Variants in TGFB2 observed in about 807,000 individuals in gnomAD.
The protein encoded by TGFB2 is transforming growth factor beta-2 proprotein.
A neutral mutation model predicts 42.7 loss-of-function variants in TGFB2; 13 were observed. That is an observed-to-expected ratio of 0.30 (90% CI 0.20 to 0.48). The LOEUF is 0.48. Among genes scored for constraint, TGFB2 ranks in the 20% least tolerant of loss-of-function variants. TGFB2 has a pLI of 0.99. For synonymous variants in TGFB2, 193 were observed against 193.6 expected (o/e 1.00, Z 0.03); for missense variants, 390 against 517.5 (o/e 0.75, Z 2.39).
At chr1:218,396,870 T>A (rs1454851511) in intron 1 of TGFB2, among the ~76,000 whole-genome samples, 2 of 152,238 alleles carry the variant, frequency 1.3e-5, no homozygotes, top group Non-Finnish European at 1.5e-5. Flanking sequence ...AGACTACTAC[T>A]GCAAATCATA....
chr1:218,395,684 T>A (rs1034602207), intron 1 of TGFB2, among the ~76,000 whole-genome samples: 3 of 151,294 alleles, frequency 2.0e-5, no homozygotes, highest in Non-Finnish European at 4.4e-5. Flanking sequence ...CAATCTCGGC[T>A]CACTGCAAGC....
chr1:218,346,053 C>T lies in TGFB2; in HGVS notation c.-649C>T, dbSNP rs1571819562. Among the ~76,000 whole-genome samples the T allele has an allele frequency of 6.8e-6, 1 of 147,966 alleles. No homozygotes were observed. The highest frequency in any genetic ancestry group is 2.6e-5 in the African/African-American group (1 of 38,208). On this transcript the variant is annotated 5_prime_UTR_variant, in exon 1 of 7. Transcript: ENST00000366930. The surrounding 1 kb of genome is among the most constrained non-coding windows in gnomAD (Gnocchi z 4.9). The stretch of plus-strand genomic sequence containing the variant: ...GCTGGGCTCGCCCCCAGCGCGCGCA[C>T]ACGCACACACACACACACACACACA...
At chr1:218,410,865 G>A (rs1284928572) in intron 2 of TGFB2, among the ~76,000 whole-genome samples, 1 of 152,216 alleles carries the variant, frequency 6.6e-6, no homozygotes, top group Non-Finnish European at 1.5e-5. Context: ...GTATGAGGTA[G>A]AGGGAAAGAA....
rs574229434 is a variant in TGFB2, at chr1:218,443,149, A to C, written c.*1787A>C. The C allele has an allele frequency of 1.3e-5, 2 of 152,232 alleles. No individual in the cohort carries two copies. The highest frequency in any genetic ancestry group is 1.5e-5 in the Non-Finnish European group (1 of 68,030). 9.4% of individuals were successfully genotyped at this position (152,232 alleles called of 1,614,324 possible). Reference sequence around the variant, plus strand: ...AGCCAATTTTTCCTATGATCAAAAAATTCTTTCTTTCCTCTGAGTGAGAGT... The same window carrying C: ...AGCCAATTTTTCCTATGATCAAAAACTTCTTTCTTTCCTCTGAGTGAGAGT... On this transcript the variant is annotated 3_prime_UTR_variant, in exon 7 of 7. Coordinates refer to ENST00000366930, the MANE Select transcript of TGFB2 (RefSeq NM_003238.6).
chr1:218,399,806 G>A (rs997071064), intron 1 of TGFB2, among the ~76,000 whole-genome samples: 2 of 151,876 alleles, frequency 1.3e-5, no homozygotes, highest in East Asian at 1.9e-4. Context: ...ACTGTCTCTC[G>A]GGGGCATTCA....
At chr1:218,365,152 C>T (rs1365301586) in intron 1 of TGFB2, among the ~76,000 whole-genome samples, 1 of 152,148 alleles carries the variant, frequency 6.6e-6, no homozygotes, top group Admixed American at 6.5e-5. Flanking sequence ...TGTCCTTGGT[C>T]ACAGAGCTGG....
intron 2 of TGFB2, among the ~76,000 whole-genome samples, chr1:218,409,532 C>A (rs1008315761): frequency 6.6e-6 from 1 of 152,040 alleles, no homozygotes; most frequent in African/African-American, 2.4e-5. Flanking sequence ...CATCTCTAGT[C>A]CTATTACAGG....
In TGFB2 at chr1:218,372,695, G is replaced by T. The variant is rs527805780; in HGVS notation, c.346+25648G>T. On this transcript the variant is annotated intron_variant, in intron 1 of 6. Coordinates refer to ENST00000366930, the MANE Select transcript of TGFB2 (RefSeq NM_003238.6). ...GGATATCCAAGCACTTAGGTTCTTT[G>T]TTGGGAGCTTTGACAGTCAAGGCTG... Among the ~76,000 whole-genome samples the T allele has an allele frequency of 1.8e-4, 27 of 152,332 alleles. 1 individual carries two copies. The highest frequency in any genetic ancestry group is 1.2e-3 in the Admixed American group (19 of 15,302).
At chr1:218,401,684 A>T (rs1354896030) in intron 1 of TGFB2, among the ~76,000 whole-genome samples, 2 of 152,090 alleles carry the variant, frequency 1.3e-5, no homozygotes, top group East Asian at 1.9e-4. Context: ...TTTAGCGAGA[A>T]CTCCCATTCC....
At chr1:218,372,239 A>G (rs553349367) in intron 1 of TGFB2, among the ~76,000 whole-genome samples, 36 of 152,332 alleles carry the variant, frequency 2.4e-4, no homozygotes, top group African/African-American at 7.7e-4. Flanking sequence ...GTATGATGCA[A>G]CTGCTGGAGC....
Position 218,378,062 on chromosome 1 carries a change from G to C in TGFB2, c.347-27107G>C, listed in dbSNP as rs189070762. 6.4e-4 allele frequency among the ~76,000 whole-genome samples: 98 copies of C among 152,198 alleles called. 1 individual carries two copies. The highest frequency in any genetic ancestry group is 1.3e-3 in the Non-Finnish European group (86 of 68,010). ...GCCATCTTGGCTCACTGCAACCGCC[G>C]CCTCCCGGGTTCAAGCAATTCTCCT... is the stretch of plus-strand genomic sequence containing the variant. On this transcript the variant is annotated intron_variant, in intron 1 of 6. Transcript: ENST00000366930.
At chr1:218,441,159 T>G (rs1660137500) in intron 6 of TGFB2, 45 bp from the exon 7 acceptor site, 1 of 1,557,510 alleles carries the variant, frequency 6.4e-7, no homozygotes, top group Admixed American at 2.2e-5. Flanking sequence ...TGCGTTCATT[T>G]TCCGTCTTTC....
intron 1 of TGFB2, among the ~76,000 whole-genome samples, chr1:218,386,223 C>T (rs903552238): frequency 5.3e-5 from 8 of 151,894 alleles, no homozygotes; most frequent in Non-Finnish European, 7.4e-5. Flanking sequence ...TTTCCAGCTA[C>T]CTTTCTGTTT....
At chr1:218,423,873 G>A (rs779073896) in intron 2 of TGFB2, among the ~76,000 whole-genome samples, 2 of 152,192 alleles carry the variant, frequency 1.3e-5, no homozygotes, top group East Asian at 1.9e-4. Context: ...TACAAGGTGC[G>A]TTTTACTATT....
At chr1:218,399,315 T>TA (rs1168813063) in intron 1 of TGFB2, among the ~76,000 whole-genome samples, 2 of 152,228 alleles carry the variant, frequency 1.3e-5, no homozygotes, top group African/African-American at 4.8e-5. Context: ...ATAACCCATT[T>TA]ACCATGATGT....
intron 1 of TGFB2, among the ~76,000 whole-genome samples, chr1:218,370,697 G>T (rs1279869551): frequency 6.6e-6 from 1 of 152,170 alleles, no homozygotes; most frequent in South Asian, 2.1e-4. Context: ...GGCCTTGTGG[G>T]ATGGCTGTGG....
chr1:218,410,711 G>A (rs1242597838), intron 2 of TGFB2, among the ~76,000 whole-genome samples: 1 of 152,166 alleles, frequency 6.6e-6, no homozygotes, highest in Non-Finnish European at 1.5e-5. Flanking sequence ...CCTTTATTGC[G>A]ATATGTTCAG....
chr1:218,422,618 T>C (rs1659494137), intron 2 of TGFB2, among the ~76,000 whole-genome samples: 1 of 152,136 alleles, frequency 6.6e-6, no homozygotes, highest in Non-Finnish European at 1.5e-5. Flanking sequence ...TTTTACACTC[T>C]CCTCTCTACA....
rs1011302733 is a variant in TGFB2, at chr1:218,444,112, T to A, written c.*2750T>A. Reference sequence around the variant, plus strand: ...ACCTTTCCGATTGCCCTCTGTGCTTTCTCCCTTAAGGACAGTCACTTCAGA... The same window carrying A: ...ACCTTTCCGATTGCCCTCTGTGCTTACTCCCTTAAGGACAGTCACTTCAGA... On this transcript the variant is annotated 3_prime_UTR_variant, in exon 7 of 7. Coordinates refer to ENST00000366930, the MANE Select transcript of TGFB2 (RefSeq NM_003238.6). 1.3e-5 allele frequency: 2 copies of A among 152,122 alleles called. No individual in the cohort carries two copies. The highest frequency in any genetic ancestry group is 4.8e-5 in the African/African-American group (2 of 41,424). The allele number at this position is 152,122 out of a possible 1,614,324, so 9.4% of individuals were successfully genotyped here.
Sources: gnomAD v4.1 joint callset for allele counts (sites outside exome capture counted in the v4.1 genomes callset) on GRCh38, gnomAD v4.1.1 for gene constraint, Gnocchi (gnomAD v3.1) non-coding constraint, MANE v1.5 for transcripts, NCBI Gene and HGNC (gene_info 2026-07-23, HGNC 2026-07-21) for gene names.